USP54: variants seen among roughly 807,000 people sequenced by gnomAD.
The protein encoded by USP54 is ubiquitin carboxyl-terminal hydrolase 54.
A neutral mutation model predicts 170.5 loss-of-function variants in USP54; 87 were observed. That is an observed-to-expected ratio of 0.51 (90% CI 0.43 to 0.61). USP54 has a LOEUF of 0.61. Ranked by LOEUF, USP54 falls within the 20% of genes least tolerant of loss-of-function variation. The pLI is 0.00. For missense variants in USP54, 1,786 were observed against 2,047.8 expected (o/e 0.87, Z 2.47); for synonymous variants, 655 against 742.8 (o/e 0.88, Z 1.92).
chr10:73,527,185 T>A (rs1482849220), intron 15 of USP54, among the ~76,000 whole-genome samples: 1 of 152,166 alleles, frequency 6.6e-6, no homozygotes, highest in African/African-American at 2.4e-5. Context: ...ATCATGCTTT[T>A]CAAAGCAGCT....
intron 4 of USP54, among the ~76,000 whole-genome samples, chr10:73,552,834 A>C (rs2069874449): frequency 6.6e-6 from 1 of 152,146 alleles, no homozygotes; most frequent in African/African-American, 2.4e-5. Context: ...ATCCTAGACT[A>C]ATCTCTGTCA....
At chr10:73,528,658 C>T (rs916611018) in intron 15 of USP54, among the ~76,000 whole-genome samples, 3 of 152,028 alleles carry the variant, frequency 2.0e-5, no homozygotes, top group African/African-American at 7.2e-5. Context: ...CCACCTCCAC[C>T]TCCTGGATTC....
At chr10:73,521,830 GA>G (rs1589983636) in intron 17 of USP54, among the ~76,000 whole-genome samples, 1 of 152,238 alleles carries the variant, frequency 6.6e-6, no homozygotes, top group East Asian at 1.9e-4. Flanking sequence ...AGCAGGTGCA[GA>G]AGAGTCTAAA....
intron 22 of USP54, among the ~76,000 whole-genome samples, chr10:73,501,304 C>G (rs1457690133): frequency 6.6e-6 from 1 of 152,178 alleles, no homozygotes; most frequent in Non-Finnish European, 1.5e-5. Context: ...GTCACTGCTA[C>G]ACATTCCACA....
intron 12 of USP54, among the ~76,000 whole-genome samples, chr10:73,532,285 G>A (rs2064156483): frequency 6.6e-6 from 1 of 151,884 alleles, no homozygotes; most frequent in Admixed American, 6.6e-5. Flanking sequence ...CCATTCTCCT[G>A]CCTCAGCCTC....
At chr10:73,595,859 C>G (rs1054729036), upstream of USP54, among the ~76,000 whole-genome samples, 1 of 152,134 alleles carries the variant, frequency 6.6e-6, no homozygotes, top group Non-Finnish European at 1.5e-5. Flanking sequence ...CCTGTAATCC[C>G]AACACTTTGA....
rs1257245840 is a variant in USP54, at chr10:73,523,888, TA to T, written c.2195-139del. On this transcript the variant is annotated intron_variant, in intron 16 of 23. Coordinates refer to ENST00000687698, the MANE Select transcript of USP54 (RefSeq NM_001391956.1). ...AGTTTATTTATTTATTATTTATTAT[TA>T]TTATTATTATTATTATTATTATTAT... 145 of 181,964 alleles carry T rather than the reference TA, an allele frequency of 8.0e-4. 5 individuals are homozygous for T. Among genetic ancestry groups the T allele is most frequent in the South Asian group, 7.6e-3 (39 of 5,130 alleles). The allele number at this position is 181,964 out of a possible 1,614,324, so 11.3% of individuals were successfully genotyped here.
Position 73,616,405 on chromosome 10 carries a change from A to C in USP54, c.-18+9162T>G, listed in dbSNP as rs572957847. On this transcript the variant is annotated intron_variant, in intron 1 of 22. Coordinates refer to the USP54 transcript ENST00000339859. ...ATCCTCAGCAAACTAACACAGGAAC[A>C]GAAAACCAAATGCCACGTTTTCACT... 1.8e-3 allele frequency among the ~76,000 whole-genome samples: 272 copies of C among 149,560 alleles called. 34 individuals are homozygous for C. Among genetic ancestry groups the C allele is most frequent in the African/African-American group, 6.7e-3 (263 of 39,128 alleles).
chr10:73,530,222 C>T lies in USP54; in HGVS notation c.1749G>A (p.Leu583=). ...CCTTACTAAAGATACTGTCAATATT[C>T]AGAGATTCTCGTTTGGGTCTCCATG... ...RPTWRPKRES[L]NIDSIFSKDK... Residue 583 remains leucine, a synonymous_variant, in exon 14 of 24, where the codon CTG becomes CTA. Transcript: ENST00000687698. 1 of 1,614,150 alleles carries T rather than the reference C, an allele frequency of 6.2e-7. No individual in the cohort carries two copies. Among genetic ancestry groups the T allele is most frequent in the Non-Finnish European group, 8.5e-7 (1 of 1,180,036 alleles).
chr10:73,614,117 A>G (rs942746851), intron 1 of USP54: 2 of 141,866 alleles, frequency 1.4e-5, no homozygotes, highest in Non-Finnish European at 2.9e-5. Flanking sequence ...TGGAAGGATC[A>G]TTTGAGCCCG....
chr10:73,534,580 C>T lies in USP54; in HGVS notation c.1315+20G>A. On this transcript the variant is annotated intron_variant, in intron 12 of 23. Coordinates refer to ENST00000687698, the MANE Select transcript of USP54 (RefSeq NM_001391956.1). ...CAGGAATTGATTCAGGCAAGCAGGA[C>T]CCTCTGTATAAGTCCCTACCTGTGT... is the stretch of plus-strand genomic sequence containing the variant. 1 of 1,610,034 alleles carries T rather than the reference C, an allele frequency of 6.2e-7. No homozygotes were observed. Among genetic ancestry groups the T allele is most frequent in the African/African-American group, 1.3e-5 (1 of 74,880 alleles).
At chr10:73,549,329 A>T (rs989809744) in intron 4 of USP54, among the ~76,000 whole-genome samples, 1 of 152,232 alleles carries the variant, frequency 6.6e-6, no homozygotes, top group Non-Finnish European at 1.5e-5. Context: ...CCAAATTTGT[A>T]GTTGGCAAAA....
chr10:73,580,356 T>G (rs1455560306), intron 1 of USP54, among the ~76,000 whole-genome samples: 1 of 144,770 alleles, frequency 6.9e-6, no homozygotes, highest in Non-Finnish European at 1.5e-5. Flanking sequence ...GAAAAAGAAA[T>G]GCAAAATGAC....
intron 4 of USP54, among the ~76,000 whole-genome samples, chr10:73,561,065 A>T (rs1258068213): frequency 7.2e-6 from 1 of 138,408 alleles, no homozygotes; most frequent in African/African-American, 2.7e-5. Flanking sequence ...AGATCATGCT[A>T]TTGCACTCCA....
intron 7 of USP54, among the ~76,000 whole-genome samples, chr10:73,542,155 G>C (rs536949791): frequency 6.6e-6 from 1 of 152,138 alleles, no homozygotes; most frequent in Non-Finnish European, 1.5e-5. Context: ...CTGGAGTGCA[G>C]GGGCTCAATC....
intron 4 of USP54, among the ~76,000 whole-genome samples, chr10:73,547,294 G>A (rs540213014): frequency 9.9e-5 from 15 of 152,174 alleles, no homozygotes; most frequent in South Asian, 4.2e-4. Flanking sequence ...CCTGCTACTC[G>A]GGAGGCTGAG....
chr10:73,508,999 T>TA (rs1392284153), intron 20 of USP54, among the ~76,000 whole-genome samples: 1 of 142,134 alleles, frequency 7.0e-6, no homozygotes, highest in African/African-American at 2.8e-5. Context: ...CTTAAGGACT[T>TA]AGACTATAAT....
chr10:73,518,191 G>A (rs2061348565), intron 19 of USP54: 2 of 985,252 alleles, frequency 2.0e-6, no homozygotes, highest in Admixed American at 6.2e-5. Flanking sequence ...AGTCCTACCT[G>A]GGGTCCTGAG....
Position 73,541,719 on chromosome 10 carries a change from G to A in USP54, c.592C>T (p.Leu198=), listed in dbSNP as rs1227279878. 2 of 1,614,118 alleles carry A rather than the reference G, an allele frequency of 1.2e-6. No homozygotes were observed. Residue 198 remains leucine (L), a synonymous_variant, in exon 8 of 24, where the codon CTG becomes TTG. Transcript: ENST00000687698. The part of the protein sequence containing the change: ...TSLCNQAICM[L]ERREKPSPSM... ...GGTGAAGGTTTCTCTCGTCTTTCCA[G>A]CATACAAATAGCCTGATTGCTTCAA...
Sources: allele counts gnomAD v4.1 joint callset (sites outside exome capture counted in the v4.1 genomes callset), GRCh38; gene constraint gnomAD v4.1.1; transcripts MANE v1.5; gene names NCBI Gene and HGNC (gene_info 2026-07-23, HGNC 2026-07-21).